Variants in LGSN observed in about 807,000 individuals in gnomAD.
The protein encoded by LGSN is lengsin, lens protein with glutamine synthetase domain, also known as lengsin.
In LGSN, 21 loss-of-function variants were observed where a neutral mutation model predicts 19.5. The ratio of observed to expected loss-of-function variants is 1.07; its 90% CI spans 0.76 to 1.55. The LOEUF is 1.55. LGSN is among the 40% of genes most tolerant of loss of function. The pLI, the probability that LGSN is intolerant of heterozygous loss-of-function variation, is 0.00. For synonymous variants in LGSN, 257 were observed against 215.6 expected (o/e 1.19, Z -1.68); for missense variants, 673 against 608.5 (o/e 1.11, Z -1.12).
At chr6:63,367,965 T>C in the LGSN span, among the ~76,000 whole-genome samples, 1 of 151,536 alleles carries the variant, frequency 6.6e-6, no homozygotes, top group Non-Finnish European at 1.5e-5. Flanking sequence ...GGGGGAGGGA[T>C]AGCATTAGGA....
intron 2 of LGSN, among the ~76,000 whole-genome samples, chr6:63,287,454 A>T (rs1767585194): frequency 6.6e-6 from 1 of 152,048 alleles, no homozygotes; most frequent in African/African-American, 2.4e-5. Flanking sequence ...AGCAGGAGTG[A>T]GGTGGGCAGA....
At chr6:63,423,300 T>C in the LGSN span, among the ~76,000 whole-genome samples, 3 of 152,160 alleles carry the variant, frequency 2.0e-5, no homozygotes, top group Non-Finnish European at 4.4e-5. Flanking sequence ...CCTGCGATTG[T>C]GTCACTGCAC....
chr6:63,400,951 A>C, the LGSN span, among the ~76,000 whole-genome samples: 1 of 152,080 alleles, frequency 6.6e-6, no homozygotes, highest in Non-Finnish European at 1.5e-5. Context: ...CTGAAATGGC[A>C]CCATTGCACT....
chr6:63,487,684 C>A, the LGSN span, among the ~76,000 whole-genome samples: 5 of 151,944 alleles, frequency 3.3e-5, no homozygotes, highest in Non-Finnish European at 5.9e-5. Flanking sequence ...TGGAGCCTTA[C>A]AATAAATAAA....
At chr6:63,422,243 T>TAGTAG in the LGSN span, among the ~76,000 whole-genome samples, 1 of 152,096 alleles carries the variant, frequency 6.6e-6, no homozygotes, top group Non-Finnish European at 1.5e-5. Context: ...TTTGTATTTT[T>TAGTAG]AGTAGAGACA....
chr6:63,352,428 C>A, the LGSN span, among the ~76,000 whole-genome samples: 25 of 152,056 alleles, frequency 1.6e-4, no homozygotes, highest in Non-Finnish European at 2.8e-4. Flanking sequence ...CTTTGGGAGG[C>A]TGAGGCAGGA....
chr6:63,280,927 A>G lies in LGSN; in HGVS notation c.624T>C (p.Tyr208=), dbSNP rs1330176040. The G allele has an allele frequency of 3.7e-6, 6 of 1,614,030 alleles. No homozygotes were observed. Among genetic ancestry groups the G allele is most frequent in the Non-Finnish European group, 5.1e-6 (6 of 1,180,036 alleles). Residue 208 remains tyrosine (Y), a synonymous_variant, in exon 4 of 4, where the codon TAT becomes TAC. Coordinates refer to ENST00000370657, the MANE Select transcript of LGSN (RefSeq NM_016571.3). ...SGFSLLSAFI[Y]DFCIFGVPEI... is the part of the protein sequence containing the mutation. ...CGGGCACACCAAAAATGCAAAAATC[A>G]TAGATGAAAGCAGAAAGCAGGGAAA...
At chr6:63,571,121 AGAG>A in the LGSN span, 15 of 152,174 alleles carry the variant, frequency 9.9e-5, no homozygotes, top group Non-Finnish European at 2.1e-4. Flanking sequence ...CAAATGACGA[AGAG>A]TTTTTGTTCC....
the LGSN span, among the ~76,000 whole-genome samples, chr6:63,518,797 T>G: frequency 6.6e-6 from 1 of 152,128 alleles, no homozygotes; most frequent in African/African-American, 2.4e-5. Context: ...GCTGAAAAGA[T>G]AGAAAATAAC....
chr6:63,390,506 A>AT, the LGSN span, among the ~76,000 whole-genome samples: 9 of 150,844 alleles, frequency 6.0e-5, no homozygotes, highest in East Asian at 5.8e-4. Flanking sequence ...TCATTGTCAG[A>AT]TTTTTTTTTA....
chr6:63,285,774 T>A, intron 2 of LGSN, 21 bp from the exon 3 acceptor site: 1 of 1,609,654 alleles, frequency 6.2e-7, no homozygotes, highest in Non-Finnish European at 8.5e-7. Flanking sequence ...AAAAAATAGG[T>A]TCTAACTCAC....
the LGSN span, among the ~76,000 whole-genome samples, chr6:63,517,500 A>G: frequency 0.54 from 81,441 of 151,980 alleles, 23,635 homozygotes; most frequent in African/African-American, 0.77. Flanking sequence ...GAAACCATTT[A>G]AATGGTGAAA....
At chr6:63,459,777 G>A in the LGSN span, among the ~76,000 whole-genome samples, 70,464 of 151,814 alleles carry the variant, frequency 0.46, 18,204 homozygotes, top group Non-Finnish European at 0.57. Context: ...AGCCAGGCGT[G>A]GTTGTGGGTT....
At chr6:63,403,083 T>C in the LGSN span, among the ~76,000 whole-genome samples, 1 of 145,304 alleles carries the variant, frequency 6.9e-6, no homozygotes, top group African/African-American at 2.7e-5. Context: ...AGATAGATGA[T>C]AGAGAGAGAG....
the LGSN span, among the ~76,000 whole-genome samples, chr6:63,328,397 G>T: frequency 1.3e-5 from 2 of 152,216 alleles, no homozygotes; most frequent in African/African-American, 4.8e-5. Flanking sequence ...TTCAAGCACT[G>T]GTCCCTCAAG....
the LGSN span, among the ~76,000 whole-genome samples, chr6:63,412,055 G>A: frequency 6.6e-6 from 1 of 152,024 alleles, no homozygotes; most frequent in Non-Finnish European, 1.5e-5. Flanking sequence ...GAATTTTCAG[G>A]ATTGTTTTTA....
At chr6:63,433,766 T>C in the LGSN span, among the ~76,000 whole-genome samples, 2 of 152,230 alleles carry the variant, frequency 1.3e-5, no homozygotes, top group Admixed American at 6.5e-5. Flanking sequence ...CATGTGTTGA[T>C]GGCCATAGAC....
At chr6:63,503,044 AT>A in the LGSN span, among the ~76,000 whole-genome samples, 3 of 152,192 alleles carry the variant, frequency 2.0e-5, no homozygotes, top group East Asian at 3.9e-4. Context: ...ATATTTTCTA[AT>A]TTTTTTGTTC....
At chr6:63,293,665 T>C in intron 2 of LGSN, 1 of 449,734 alleles carries the variant, frequency 2.2e-6, no homozygotes, top group Non-Finnish European at 4.5e-6. Context: ...AGTAAATCCT[T>C]ACCAGAGTTT....
Sources: gnomAD v4.1 joint callset for allele counts (sites outside exome capture counted in the v4.1 genomes callset) on GRCh38, gnomAD v4.1.1 for gene constraint, MANE v1.5 for transcripts, NCBI Gene and HGNC (gene_info 2026-07-23, HGNC 2026-07-21) for gene names.